The following CLU variants were observed in gnomAD, a reference collection of about 807,000 sequenced individuals.
The protein encoded by CLU is aging-associated protein 4.
Under a neutral mutation model 46.4 loss-of-function variants are expected in CLU, and 25 were observed. The observed-to-expected ratio is 0.54, with a 90% CI of 0.39 to 0.75. CLU has a LOEUF of 0.75. Ranked by LOEUF, CLU falls within the 30% of genes least tolerant of loss-of-function variation. The probability of loss-of-function intolerance (pLI) is 0.00; values close to 1 mark genes in which losing one functional copy is unlikely to be tolerated. For synonymous variants in CLU, 235 were observed against 235.1 expected, an observed-to-expected ratio of 1.00 and a Z score of 0.00; for missense variants, 504 against 592.1, an observed-to-expected ratio of 0.85 and a Z score of 1.54.
Position 27,596,951 on chromosome 8 carries a change from T to C in CLU, c.*1290A>G, listed in dbSNP as rs1424321599. The C allele has an allele frequency of 6.6e-6, 3 of 452,922 alleles. No individual in the cohort carries two copies. The Admixed American group carries it at 7.1e-5, about 11-fold the overall frequency. The allele number at this position is 452,922 out of a possible 1,614,324, so 28.1% of individuals were successfully genotyped here. The stretch of plus-strand genomic sequence containing the variant: ...AAACAGTGTGACATTAATGTGACAA[T>C]GTGACATATACTTTACAATTATGAT... On this transcript the variant is annotated 3_prime_UTR_variant, in exon 9 of 9. Coordinates refer to ENST00000316403, the MANE Select transcript of CLU (RefSeq NM_001831.4).
intron 5 of CLU, 95 bp downstream of exon 5, chr8:27,604,829 G>A: frequency 2.2e-6 from 3 of 1,393,024 alleles, no homozygotes; most frequent in South Asian, 1.2e-5. Context: ...TGATATTGCT[G>A]GAGAAAAATC....
intron 1 of CLU, among the ~76,000 whole-genome samples, chr8:27,612,885 T>G (rs1800953703): frequency 6.7e-6 from 1 of 149,876 alleles, no homozygotes; most frequent in Non-Finnish European, 1.5e-5. Flanking sequence ...GCCTTGCTCC[T>G]TCTACCAGAA....
Position 27,599,929 on chromosome 8 carries a change from T to C in CLU, c.1015A>G (p.Arg339Gly), listed in dbSNP as rs552220660. 3.1e-6 allele frequency: 5 copies of C among 1,614,212 alleles called. No individual in the cohort carries two copies. In the African/African-American group the frequency reaches 5.3e-5, roughly 17 times the overall value. The change falls in exon 7 of 9, where the codon AGG becomes GGG. Residue 339 changes from arginine (R) to glycine (G), a missense_variant. Transcript: ENST00000316403. The surrounding 1 kb of genome is among the most constrained non-coding windows in gnomAD (Gnocchi z 4.0). ...GACTTTAGCAGCTCGTTGTATTTCC[T>C]GGTCAACCTCTCAGCGACCTGGAGG... ...ESLQVAERLT[R>G]KYNELLKSYQ...
Position 27,599,928 on chromosome 8 carries a change from C to T in CLU, c.1016G>A (p.Arg339Lys), listed in dbSNP as rs1214691222. The change falls in exon 7 of 9, where the codon AGG becomes AAG. Residue 339 changes from arginine to lysine, a missense_variant. Physicochemically the swap from Arg to Lys is conservative, Grantham distance 26 (BLOSUM62 2). Coordinates refer to ENST00000316403, the MANE Select transcript of CLU (RefSeq NM_001831.4). This position sits in a 1 kb window ranked among gnomAD's most constrained non-coding sequence, Gnocchi z 4.0. ...GGACTTTAGCAGCTCGTTGTATTTC[C>T]TGGTCAACCTCTCAGCGACCTGGAG... ...ESLQVAERLT[R>K]KYNELLKSYQ... The T allele has an allele frequency of 1.2e-6, 2 of 1,614,232 alleles. No individual in the cohort carries two copies. Among genetic ancestry groups the T allele is most frequent in the Non-Finnish European group, 1.7e-6 (2 of 1,180,050 alleles).
chr8:27,611,704 G>C (rs1313763239), intron 1 of CLU: 1 of 457,836 alleles, frequency 2.2e-6, no homozygotes, highest in Non-Finnish European at 4.4e-6. Context: ...ACACTCAGTA[G>C]CACATTAACA....
intron 6 of CLU, among the ~76,000 whole-genome samples, chr8:27,601,325 C>T (rs1800717912): frequency 6.6e-6 from 1 of 152,202 alleles, no homozygotes; most frequent in Non-Finnish European, 1.5e-5. Context: ...GCTGGGATTA[C>T]AGGTGTGAGC....
rs1296646066 is a variant in CLU at position 27,614,662 on chromosome 8, C to A, written c.-37G>T. The A allele has an allele frequency of 5.7e-6, 3 of 530,288 alleles. No homozygotes were observed. The highest frequency in any genetic ancestry group is 1.2e-5 in the Non-Finnish European group (3 of 257,130). The allele number at this position is 530,288 out of a possible 1,614,324, so 32.8% of individuals were successfully genotyped here. Reference sequence around the variant, plus strand: ...AAGACGGGGACATCTCACCGGTCAGCGGCACCCTGTGCCCGCGCGCTCCTC... The same window carrying A: ...AAGACGGGGACATCTCACCGGTCAGAGGCACCCTGTGCCCGCGCGCTCCTC... On this transcript the variant is annotated 5_prime_UTR_variant, in exon 1 of 9. Coordinates refer to ENST00000316403, the MANE Select transcript of CLU (RefSeq NM_001831.4).
At chr8:27,613,721 CT>C (rs1800968308) in intron 1 of CLU, 2 of 152,216 alleles carry the variant, frequency 1.3e-5, no homozygotes, top group Admixed American at 1.3e-4. Flanking sequence ...TAATACTCCA[CT>C]TACTCACGGA....
Position 27,606,420 on chromosome 8 carries a change from C to T in CLU, c.351G>A (p.Leu117=), listed in dbSNP as rs1348307722. Residue 117 remains leucine (L), a synonymous_variant, in exon 4 of 9, where the codon CTG becomes CTA. Coordinates refer to ENST00000316403, the MANE Select transcript of CLU (RefSeq NM_001831.4). ...CGTAGAACTTCATGCAGGTCTGTTT[C>T]AGGCAGGGCTTACACTCTTCCCAGA... is the stretch of plus-strand genomic sequence containing the variant. ...MALWEECKPC[L]KQTCMKFYAR... 4.3e-6 allele frequency: 7 copies of T among 1,614,112 alleles called. No individual in the cohort carries two copies. The highest frequency in any genetic ancestry group is 2.2e-5 in the East Asian group (1 of 44,898).
In CLU at chr8:27,598,168, TGGGGGGCTGCAGCTCATCTTGG is replaced by T; in HGVS notation, c.*51_*72del. On this transcript the variant is annotated 3_prime_UTR_variant, in exon 9 of 9. Transcript: ENST00000316403. The stretch of plus-strand genomic sequence containing the variant: ...ACTTGGTGACGTGCAGAGCTCTCTC[TGGGGGGCTGCAGCTCATCTTGG>T]GGGGAGCTGGACTCAGATGCCCCCG... 6.5e-7 allele frequency: 1 copy of T among 1,535,284 alleles called. No homozygotes were observed. The highest frequency in any genetic ancestry group is 1.7e-4 in the Middle Eastern group (1 of 5,890).
intron 2 of CLU, 99 bp from the exon 3 acceptor site, chr8:27,609,185 G>C: frequency 3.0e-6 from 4 of 1,342,366 alleles, no homozygotes; most frequent in Non-Finnish European, 4.2e-6. Flanking sequence ...TTCAGTTCAG[G>C]GGCTGTCAAG....
Position 27,598,638 on chromosome 8 carries a change from A to G in CLU, c.1165-3T>C, listed in dbSNP as rs776878877. ...GAGTCAGAAGTGTGGGAAGCCACCT[A>G]AATGGAACAAGAGAAAAGGGAAGAG... On this transcript the variant is annotated splice_region_variant and splice_polypyrimidine_tract_variant and intron_variant, in intron 7 of 8. Coordinates refer to ENST00000316403, the MANE Select transcript of CLU (RefSeq NM_001831.4). 3.1e-6 allele frequency: 5 copies of G among 1,613,932 alleles called. No homozygotes were observed. In the South Asian group the frequency reaches 4.4e-5, roughly 14 times the overall value.
At chr8:27,604,781 G>T in intron 5 of CLU, 143 bp downstream of exon 5, 1 of 1,053,876 alleles carries the variant, frequency 9.5e-7, no homozygotes, top group Non-Finnish European at 1.4e-6. Flanking sequence ...GCCCAGCTCA[G>T]TTTTTTTCCT....
chr8:27,613,352 C>A (rs1800962424), intron 1 of CLU, among the ~76,000 whole-genome samples: 1 of 149,606 alleles, frequency 6.7e-6, no homozygotes, highest in Admixed American at 6.7e-5. Context: ...CGCTACTCTA[C>A]TCCAGCCTGG....
In CLU at chr8:27,599,742, G is replaced by T; in HGVS notation, c.1164+38C>A. The T allele has an allele frequency of 2.7e-6, 4 of 1,479,510 alleles. No homozygotes were observed. Among genetic ancestry groups the T allele is most frequent in the Non-Finnish European group, 2.8e-6 (3 of 1,073,010 alleles). 91.6% of individuals were successfully genotyped at this position (1,479,510 alleles called of 1,614,324 possible). ...GCCCCTGCTCCCGATCACAGCTCGGGCTCCCGAGCCACAGCATGTGGCCGG... is the reference window on the plus strand; with the variant it reads ...GCCCCTGCTCCCGATCACAGCTCGGTCTCCCGAGCCACAGCATGTGGCCGG... On this transcript the variant is annotated intron_variant, in intron 7 of 8. Transcript: ENST00000316403. The surrounding 1 kb of genome is among the most constrained non-coding windows in gnomAD (Gnocchi z 4.0).
intron 1 of CLU, chr8:27,611,398 C>T (rs1041923201): frequency 6.6e-6 from 3 of 456,680 alleles, no homozygotes; most frequent in Non-Finnish European, 1.3e-5. Flanking sequence ...TGCCCATCCC[C>T]TCTAAGCCGA....
At position 27,604,323 on chromosome 8, in the gene CLU, T is replaced by A; in HGVS notation, c.902A>T (p.Gln301Leu). 1 of 1,614,200 alleles carries A rather than the reference T, an allele frequency of 6.2e-7. No individual in the cohort carries two copies. Among genetic ancestry groups the A allele is most frequent in the Non-Finnish European group, 8.5e-7 (1 of 1,180,028 alleles). Reference protein sequence around the residue: ...NSTGCLRMKDQCDKCREILSV... With the variant: ...NSTGCLRMKDLCDKCREILSV... Reference sequence around the variant, plus strand: ...CAAGATCTCCCGGCACTTGTCACACTGGTCCTTCATCCGCAGGCAGCCCGT... The same window carrying A: ...CAAGATCTCCCGGCACTTGTCACACAGGTCCTTCATCCGCAGGCAGCCCGT... Residue 301 changes from glutamine (Q) to leucine (L), a missense_variant, in exon 6 of 9, where the codon CAG becomes CTG. By Grantham distance (113) the Gln-to-Leu change is moderately radical. Transcript: ENST00000316403.
intron 3 of CLU, among the ~76,000 whole-genome samples, chr8:27,607,105 A>G (rs1800835997): frequency 6.6e-6 from 1 of 152,208 alleles, no homozygotes; most frequent in Admixed American, 6.5e-5. Flanking sequence ...TGGGAGGCCG[A>G]GGCAGGCATA....
chr8:27,606,537 A>C lies in CLU; in HGVS notation c.247-13T>G. 6.2e-7 allele frequency: 1 copy of C among 1,614,068 alleles called. No individual in the cohort carries two copies. The highest frequency in any genetic ancestry group is 8.5e-7 in the Non-Finnish European group (1 of 1,180,034). The stretch of plus-strand genomic sequence containing the variant: ...CATTTAGGGCATCCTACAGGAAGAC[A>C]CAAGGCTGGCTGAGCCACACAGAGA... On this transcript the variant is annotated splice_polypyrimidine_tract_variant and intron_variant, in intron 3 of 8. Transcript: ENST00000316403.
Sources: allele counts gnomAD v4.1 joint callset (sites outside exome capture counted in the v4.1 genomes callset), GRCh38; gene constraint gnomAD v4.1.1; non-coding constraint Gnocchi (gnomAD v3.1); transcripts MANE v1.5; gene names NCBI Gene and HGNC (gene_info 2026-07-23, HGNC 2026-07-21).